Variants in EI24 observed in about 807,000 individuals in gnomAD.
EI24 encodes the protein EI24 autophagy associated transmembrane protein, also known as etoposide-induced protein 2.4 homolog.
A neutral mutation model predicts 48.6 loss-of-function variants in EI24; 21 were observed. The observed-to-expected ratio is 0.43, with a 90% CI of 0.31 to 0.62. EI24 has a LOEUF of 0.62. Ranked by LOEUF, EI24 falls within the 20% of genes least tolerant of loss-of-function variation. The pLI, the probability that EI24 is intolerant of heterozygous loss-of-function variation, is 0.10. For synonymous variants in EI24, 114 were observed against 145.5 expected, an observed-to-expected ratio of 0.78 and a Z score of 1.56; for missense variants, 280 against 410.5, an observed-to-expected ratio of 0.68 and a Z score of 2.75.
chr11:125,576,980 TTTCA>T (rs1317262196), intron 4 of EI24, among the ~76,000 whole-genome samples: 6 of 152,176 alleles, frequency 3.9e-5, no homozygotes, highest in Non-Finnish European at 8.8e-5. Context: ...CCCCCAAAAG[TTTCA>T]TTGTTTTATA....
chr11:125,575,329 A>G lies in EI24; in HGVS notation c.109A>G (p.Arg37Gly). The change falls in exon 3 of 11, where the codon AGA becomes GGA. Residue 37 changes from arginine (R) to glycine (G), a missense_variant. Transcript: ENST00000278903. ...GCTAGATGCTCGAATCCAGCAAAAG[A>G]GAGAGGAGCAGCGTCGAAGAAGGGC... is the stretch of plus-strand genomic sequence containing the variant. ...SKLDARIQQK[R>G]EEQRRRRASS... 1.9e-6 allele frequency: 3 copies of G among 1,572,742 alleles called. No homozygotes were observed. The African/African-American group carries it at 4.1e-5, about 21-fold the overall frequency.
chr11:125,572,480 G>C lies in EI24; in HGVS notation c.-48G>C. 6.4e-7 allele frequency: 1 copy of C among 1,557,010 alleles called. No individual in the cohort carries two copies. The highest frequency in any genetic ancestry group is 8.9e-7 in the Non-Finnish European group (1 of 1,129,406). On this transcript the variant is annotated 5_prime_UTR_variant, in exon 2 of 11. Coordinates refer to ENST00000278903, the MANE Select transcript of EI24 (RefSeq NM_004879.5). ...CAGATCCTTCATGATGAGAGATTTG[G>C]GGACACTTCTCTCTCCTGTGTGTAG...
chr11:125,581,996 G>A (rs1405857249), intron 9 of EI24, among the ~76,000 whole-genome samples: 6 of 151,308 alleles, frequency 4.0e-5, no homozygotes, highest in South Asian at 2.1e-4. Flanking sequence ...TCAGGAGTTC[G>A]AGACCAGCCT....
At chr11:125,579,368 A>G (rs1482791225) in intron 7 of EI24, among the ~76,000 whole-genome samples, 1 of 150,502 alleles carries the variant, frequency 6.6e-6, no homozygotes, top group Non-Finnish European at 1.5e-5. Context: ...TTTTTTTTTA[A>G]AGAGACAGAC....
At chr11:125,578,718 C>T (rs998773248) in intron 6 of EI24, among the ~76,000 whole-genome samples, 7 of 152,054 alleles carry the variant, frequency 4.6e-5, no homozygotes, top group African/African-American at 1.4e-4. Context: ...CTGCCTGCCT[C>T]GGCCTCCCAA....
intron 7 of EI24, 89 bp downstream of exon 7, chr11:125,579,157 A>G: frequency 7.7e-7 from 1 of 1,299,742 alleles, no homozygotes; most frequent in Non-Finnish European, 1.0e-6. Flanking sequence ...AGAGTATTAT[A>G]TTTATACAGA....
Position 125,569,548 on chromosome 11 carries a change from C to A in EI24, c.-96C>A. The A allele has an allele frequency of 2.7e-6, 1 of 374,598 alleles. No homozygotes were observed. Among genetic ancestry groups the A allele is most frequent in the Non-Finnish European group, 4.7e-6 (1 of 210,636 alleles). The allele number at this position is 374,598 out of a possible 1,614,324, so 23.2% of individuals were successfully genotyped here. ...GGCCTGCGGTGGGCTAGGGGCAGGG[C>A]CGGAGCCGCGGCGGCGGAGCTGTGG... On this transcript the variant is annotated 5_prime_UTR_variant, in exon 1 of 11. Transcript: ENST00000278903.
intron 9 of EI24, 22 bp from the exon 10 acceptor site, chr11:125,582,324 T>A: frequency 6.9e-7 from 1 of 1,446,778 alleles, no homozygotes; most frequent in South Asian, 1.3e-5. Context: ...ACTAATTATT[T>A]CTTTTTTTTT....
Position 125,582,437 on chromosome 11 carries a change from G to T in EI24, c.860+17G>T, listed in dbSNP as rs765829350. 5.1e-6 allele frequency: 8 copies of T among 1,574,044 alleles called. No homozygotes were observed. In the South Asian group the frequency reaches 8.3e-5, roughly 16 times the overall value. On this transcript the variant is annotated intron_variant, in intron 10 of 10. Coordinates refer to ENST00000278903, the MANE Select transcript of EI24 (RefSeq NM_004879.5). ...CAAAGCATAGTAAGTATTAGCCAGT[G>T]ATGAAATTTTTGCTGTGTAAAGGGT...
intron 5 of EI24, chr11:125,577,917 A>G (rs1438247323): frequency 1.6e-6 from 1 of 615,926 alleles, no homozygotes; most frequent in Non-Finnish European, 2.8e-6. Flanking sequence ...GTTTGTGTCA[A>G]GCAGCACATA....
Position 125,583,835 on chromosome 11 carries a change from C to G in EI24, c.*152C>G, listed in dbSNP as rs1939114066. On this transcript the variant is annotated 3_prime_UTR_variant, in exon 11 of 11. Coordinates refer to ENST00000278903, the MANE Select transcript of EI24 (RefSeq NM_004879.5). ...CTCTCTGAGGAATTGAAATTTTTGT[C>G]TCTGGTGCACGTAAGGCAGAATGTT... 2.9e-6 allele frequency: 3 copies of G among 1,045,970 alleles called. 1 individual carries two copies. The South Asian group carries it at 4.7e-5, about 16-fold the overall frequency. The allele number at this position is 1,045,970 out of a possible 1,614,324, so 64.8% of individuals were successfully genotyped here.
intron 2 of EI24, chr11:125,573,481 C>A: frequency 3.0e-6 from 1 of 330,692 alleles, no homozygotes; most frequent in South Asian, 2.4e-5. Flanking sequence ...AGGTGGCTCA[C>A]AGCTGTAATC....
intron 4 of EI24, 91 bp from the exon 5 acceptor site, chr11:125,577,413 A>T: frequency 7.8e-7 from 1 of 1,286,078 alleles, no homozygotes; most frequent in Non-Finnish European, 1.1e-6. Context: ...TATAAAAGTC[A>T]CTCCCATCTA....
intron 2 of EI24, 135 bp downstream of exon 2, chr11:125,572,704 C>A: frequency 1.3e-6 from 1 of 768,580 alleles, no homozygotes; most frequent in South Asian, 1.7e-5. Context: ...GGTTGTTATT[C>A]TAGACCACAC....
chr11:125,572,459 T>A lies in EI24; in HGVS notation c.-69T>A. The stretch of plus-strand genomic sequence containing the variant: ...CCATTATGTTCCATCTGTTTCCAGA[T>A]CCTTCATGATGAGAGATTTGGGGAC... On this transcript the variant is annotated splice_region_variant and 5_prime_UTR_variant, in exon 2 of 11. Transcript: ENST00000278903. The A allele has an allele frequency of 6.9e-7, 1 of 1,440,872 alleles. No homozygotes were observed. The highest frequency in any genetic ancestry group is 1.2e-5 in the South Asian group (1 of 85,786). The allele number at this position is 1,440,872 out of a possible 1,614,324, so 89.3% of individuals were successfully genotyped here.
At position 125,578,197 on chromosome 11, in the gene EI24, T is replaced by G. The variant is rs1395991873; in HGVS notation, c.381T>G (p.Ser127Arg). 5 of 1,614,036 alleles carry G rather than the reference T, an allele frequency of 3.1e-6. No individual in the cohort carries two copies. Among genetic ancestry groups the G allele is most frequent in the Non-Finnish European group, 8.5e-7 (1 of 1,179,898 alleles). The change falls in exon 6 of 11, where the codon AGT (serine) becomes AGG (arginine). Residue 127 changes from serine to arginine, a missense_variant. Transcript: ENST00000278903. ...WLEFFLTSIF[S>R]ALWVLPLFVL... is the part of the protein sequence containing the mutation. Reference sequence around the variant, plus strand: ...AATTCTTCCTCACGTCAATTTTCAGTGCTCTTTGGGTGCTCCCCTTGTTTG... The same window carrying G: ...AATTCTTCCTCACGTCAATTTTCAGGGCTCTTTGGGTGCTCCCCTTGTTTG...
chr11:125,579,774 C>A (rs1938914365), intron 7 of EI24, among the ~76,000 whole-genome samples: 1 of 152,162 alleles, frequency 6.6e-6, no homozygotes, highest in Admixed American at 6.5e-5. Context: ...TCAAGCAATC[C>A]TCCTGCCTTA....
intron 9 of EI24, among the ~76,000 whole-genome samples, chr11:125,581,562 T>A (rs1192325513): frequency 7.4e-6 from 1 of 135,170 alleles, no homozygotes; most frequent in Non-Finnish European, 1.6e-5. Context: ...TTTTTTTTTT[T>A]TTGAGACAGA....
intron 5 of EI24, chr11:125,577,831 G>C (rs544849): frequency 0.08 from 44,965 of 562,378 alleles, 2,077 homozygotes; most frequent in Middle Eastern, 0.13. Flanking sequence ...GCAAAGCTGA[G>C]ATTTAAACCC....
Sources: gnomAD v4.1 joint callset for allele counts (sites outside exome capture counted in the v4.1 genomes callset) on GRCh38, gnomAD v4.1.1 for gene constraint, MANE v1.5 for transcripts, NCBI Gene and HGNC (gene_info 2026-07-23, HGNC 2026-07-21) for gene names.